Variants in PLCB1 observed in about 807,000 individuals in gnomAD.
PLCB1 encodes 1-phosphatidylinositol 4,5-bisphosphate phosphodiesterase beta-1.
In PLCB1, 46 loss-of-function variants were observed where a neutral mutation model predicts 161.8. The ratio of observed to expected loss-of-function variants is 0.28; its 90% CI spans 0.22 to 0.36. The LOEUF is 0.36. Among genes scored for constraint, PLCB1 ranks in the 10% least tolerant of loss-of-function variants. PLCB1 has a pLI of 1.00. For missense variants in PLCB1, 1,016 were observed against 1,472.5 expected (o/e 0.69, Z 5.07); for synonymous variants, 517 against 503.7 (o/e 1.03, Z -0.35).
intron 3 of PLCB1, among the ~76,000 whole-genome samples, chr20:8,413,833 G>T (rs1979153116): frequency 6.6e-6 from 1 of 152,186 alleles, no homozygotes; most frequent in Admixed American, 6.5e-5. Flanking sequence ...CATCTCTGGT[G>T]TCTTCTATGG....
At chr20:8,193,336 AT>A (rs1187431035) in intron 2 of PLCB1, among the ~76,000 whole-genome samples, 1 of 151,990 alleles carries the variant, frequency 6.6e-6, no homozygotes, top group Non-Finnish European at 1.5e-5. Flanking sequence ...CAAACCAAAT[AT>A]TTGAAAATGG....
intron 31 of PLCB1, among the ~76,000 whole-genome samples, chr20:8,803,078 A>G (rs199709095): frequency 1.3e-5 from 2 of 152,362 alleles, no homozygotes; most frequent in East Asian, 3.9e-4. Flanking sequence ...TCAAAGAATT[A>G]CTGAAAATAA....
intron 2 of PLCB1, among the ~76,000 whole-genome samples, chr20:8,197,393 T>A (rs1003924514): frequency 0.013 from 2,031 of 152,348 alleles, 20 homozygotes; most frequent in Non-Finnish European, 0.021. Flanking sequence ...GGTTTTGATT[T>A]GCATTTCTCT....
At chr20:8,787,900 A>G (rs896263179) in intron 27 of PLCB1, among the ~76,000 whole-genome samples, 2 of 152,352 alleles carry the variant, frequency 1.3e-5, no homozygotes, top group Middle Eastern at 3.4e-3. Context: ...ATAAATGTCA[A>G]CTTCTAAGAT....
chr20:8,551,118 A>G (rs1334135976), intron 3 of PLCB1, among the ~76,000 whole-genome samples: 1 of 152,200 alleles, frequency 6.6e-6, no homozygotes, highest in Non-Finnish European at 1.5e-5. Context: ...ATCATAAATC[A>G]CTCATAAATT....
chr20:8,295,075 A>G (rs957669454), intron 2 of PLCB1, among the ~76,000 whole-genome samples: 3 of 152,194 alleles, frequency 2.0e-5, no homozygotes, highest in Admixed American at 2.0e-4. Context: ...TAAACATATT[A>G]TAGTGGATAA....
At chr20:8,770,546 A>C (rs1982624304) in intron 26 of PLCB1, among the ~76,000 whole-genome samples, 1 of 152,178 alleles carries the variant, frequency 6.6e-6, no homozygotes. Flanking sequence ...ACATGTGCCC[A>C]AGGTGTTCAG....
At chr20:8,569,751 C>A (rs1986446437) in intron 3 of PLCB1, among the ~76,000 whole-genome samples, 1 of 152,062 alleles carries the variant, frequency 6.6e-6, no homozygotes, top group South Asian at 2.1e-4. Context: ...AAAAATGATG[C>A]ACAAAAGTAT....
chr20:8,793,905 A>T lies in PLCB1; in HGVS notation c.3423+3644A>T, dbSNP rs192257857. Among the ~76,000 whole-genome samples, 6 of 152,296 alleles carry T rather than the reference A, an allele frequency of 3.9e-5. No homozygotes were observed. In the East Asian group the frequency reaches 1.2e-3, roughly 29 times the overall value. On this transcript the variant is annotated intron_variant, in intron 31 of 31. Coordinates refer to ENST00000338037, the MANE Select transcript of PLCB1 (RefSeq NM_015192.4). Reference sequence around the variant, plus strand: ...GCAGCCTCAACAGTAAGAGACAGCTATGCCCGGGGGGCCAGTTTAGAGACC... The same window carrying T: ...GCAGCCTCAACAGTAAGAGACAGCTTTGCCCGGGGGGCCAGTTTAGAGACC...
rs553021505 is a variant in PLCB1, at chr20:8,414,122, G to A, written c.246+42672G>A. Reference sequence around the variant, plus strand: ...TATAATTTTCATTGAAAGGTAGATTGGAAGAGCACTATCAAGACAAAAAAA... The same window carrying A: ...TATAATTTTCATTGAAAGGTAGATTAGAAGAGCACTATCAAGACAAAAAAA... On this transcript the variant is annotated intron_variant, in intron 3 of 31. Transcript: ENST00000338037. Among the ~76,000 whole-genome samples, 52 of 151,976 alleles carry A rather than the reference G, an allele frequency of 3.4e-4. 2 individuals carry two copies. In the South Asian group the frequency reaches 0.011, roughly 31 times the overall value.
chr20:8,660,995 C>T (rs148688405), intron 9 of PLCB1, among the ~76,000 whole-genome samples: 1 of 152,102 alleles, frequency 6.6e-6, no homozygotes, highest in Non-Finnish European at 1.5e-5. Flanking sequence ...TCTTGATACG[C>T]TTTTCATAGA....
At chr20:8,580,881 A>T (rs753445355) in intron 3 of PLCB1, among the ~76,000 whole-genome samples, 24 of 152,214 alleles carry the variant, frequency 1.6e-4, no homozygotes, top group Non-Finnish European at 3.4e-4. Context: ...GGCAAAGGGA[A>T]CTGTATGTGC....
chr20:8,442,137 T>C (rs1166113044), intron 3 of PLCB1, among the ~76,000 whole-genome samples: 1 of 152,224 alleles, frequency 6.6e-6, no homozygotes, highest in Non-Finnish European at 1.5e-5. Flanking sequence ...TATTTTTATT[T>C]TGAGAATTTT....
At chr20:8,629,890 T>TC (rs1988502241) in intron 4 of PLCB1, among the ~76,000 whole-genome samples, 1 of 140,126 alleles carries the variant, frequency 7.1e-6, no homozygotes, top group African/African-American at 2.7e-5. Flanking sequence ...TCTCTCTTTC[T>TC]TTTCTTTCTT....
At chr20:8,315,926 A>C (rs1260380615) in intron 2 of PLCB1, among the ~76,000 whole-genome samples, 1 of 152,166 alleles carries the variant, frequency 6.6e-6, no homozygotes, top group Non-Finnish European at 1.5e-5. Context: ...TATTGATTGG[A>C]GTTTTCACTC....
intron 9 of PLCB1, among the ~76,000 whole-genome samples, chr20:8,680,286 AG>A (rs1772199472): frequency 1.3e-5 from 2 of 152,206 alleles, no homozygotes; most frequent in African/African-American, 4.8e-5. Context: ...GTTATATGGA[AG>A]GGATATCCTC....
chr20:8,307,080 G>A (rs1303814302), intron 2 of PLCB1, among the ~76,000 whole-genome samples: 2 of 152,190 alleles, frequency 1.3e-5, no homozygotes, highest in Non-Finnish European at 2.9e-5. Flanking sequence ...GATGTAAAAC[G>A]GGACATTTAG....
chr20:8,368,089 T>C (rs1186560353), intron 2 of PLCB1, among the ~76,000 whole-genome samples: 2 of 152,156 alleles, frequency 1.3e-5, no homozygotes, highest in Non-Finnish European at 2.9e-5. Context: ...GAATACAGAG[T>C]TCATTATCTG....
chr20:8,757,838 T>C (rs1981816691), intron 24 of PLCB1, among the ~76,000 whole-genome samples: 1 of 150,684 alleles, frequency 6.6e-6, no homozygotes, highest in African/African-American at 2.4e-5. Flanking sequence ...AGCCACACTC[T>C]TGTCTCATTT....
Sources: allele counts gnomAD v4.1 joint callset (sites outside exome capture counted in the v4.1 genomes callset), GRCh38; gene constraint gnomAD v4.1.1; transcripts MANE v1.5; gene names NCBI Gene and HGNC (gene_info 2026-07-23, HGNC 2026-07-21).